SGCZ: variants seen among roughly 807,000 people sequenced by gnomAD.
SGCZ encodes sarcoglycan zeta.
In SGCZ, 40 loss-of-function variants were observed where a neutral mutation model predicts 41.3. That is an observed-to-expected ratio of 0.97 (90% CI 0.75 to 1.26). SGCZ has a LOEUF of 1.26. SGCZ is among the 50% of genes most tolerant of loss of function. The pLI, the probability that SGCZ is intolerant of heterozygous loss-of-function variation, is 0.00. For missense variants in SGCZ, 552 were observed against 369.8 expected (o/e 1.49, Z -4.04); for synonymous variants, 206 against 137.5 (o/e 1.50, Z -3.49).
rs926891695 is a variant in SGCZ at position 14,425,577 on chromosome 8, C to T, written c.235-101373G>A. On this transcript the variant is annotated intron_variant, in intron 2 of 7. Coordinates refer to ENST00000382080, the MANE Select transcript of SGCZ (RefSeq NM_139167.4). The stretch of plus-strand genomic sequence containing the variant: ...CAGACGTTGCAGTGAGCCAAGATCG[C>T]GCCACTGCTCTCCAGCCTGGTTGAC... 5.3e-5 allele frequency among the ~76,000 whole-genome samples: 8 copies of T among 151,666 alleles called. No homozygotes were observed. In the East Asian group the frequency reaches 5.8e-4, roughly 11 times the overall value.
At chr8:14,571,496 C>G (rs771756388) in intron 1 of SGCZ, among the ~76,000 whole-genome samples, 4 of 152,132 alleles carry the variant, frequency 2.6e-5, no homozygotes, top group Non-Finnish European at 5.9e-5. Context: ...TATTAATATT[C>G]TGTGTGGTGA....
At chr8:14,228,846 T>A (rs981156039) in intron 4 of SGCZ, among the ~76,000 whole-genome samples, 5 of 152,066 alleles carry the variant, frequency 3.3e-5, no homozygotes, top group Non-Finnish European at 7.4e-5. Flanking sequence ...AAAGGAAAAA[T>A]TTCAAAGATA....
chr8:15,159,633 A>C (rs955968530), intron 1 of SGCZ, among the ~76,000 whole-genome samples: 4 of 152,054 alleles, frequency 2.6e-5, no homozygotes, highest in Non-Finnish European at 5.9e-5. Context: ...TCATCATAGA[A>C]GTCTTCCCTG....
At chr8:15,194,815 A>C (rs1030596004) in intron 1 of SGCZ, among the ~76,000 whole-genome samples, 2 of 143,852 alleles carry the variant, frequency 1.4e-5, no homozygotes, top group Non-Finnish European at 2.9e-5. Context: ...GATTTTAGCC[A>C]AATGAAACTC....
At chr8:14,210,339 G>T (rs553413609) in intron 4 of SGCZ, among the ~76,000 whole-genome samples, 41 of 152,106 alleles carry the variant, frequency 2.7e-4, no homozygotes, top group Non-Finnish European at 4.3e-4. Context: ...GATTACAAGG[G>T]TGAGCCACCA....
At chr8:14,560,528 T>C (rs1024122477) in intron 1 of SGCZ, among the ~76,000 whole-genome samples, 1 of 152,136 alleles carries the variant, frequency 6.6e-6, no homozygotes, top group East Asian at 1.9e-4. Context: ...CTTCCCCTTG[T>C]AGAGTTGGTC....
intron 1 of SGCZ, among the ~76,000 whole-genome samples, chr8:14,650,551 T>C (rs1807364422): frequency 6.6e-6 from 1 of 151,924 alleles, no homozygotes. Context: ...GTTTCCCTCT[T>C]TGTGTCCACG....
At chr8:14,869,831 A>G (rs192150906) in intron 1 of SGCZ, among the ~76,000 whole-genome samples, 8 of 152,296 alleles carry the variant, frequency 5.3e-5, no homozygotes, top group African/African-American at 1.9e-4. Flanking sequence ...GTGAACTCCC[A>G]TTCACACTTG....
Position 14,309,374 on chromosome 8 carries a change from A to T in SGCZ, c.336+14729T>A. 3.7e-6 allele frequency: 6 copies of T among 1,605,058 alleles called. No homozygotes were observed. In the South Asian group the frequency reaches 6.6e-5, roughly 18 times the overall value. ...AGGACGATGGCTAATTACATTGAAC[A>T]GTCAGCAGAGACGAAGTGACCTCGA... On this transcript the variant is annotated intron_variant, in intron 3 of 7. Transcript: ENST00000382080.
At chr8:14,553,221 G>C (rs757531154) in intron 2 of SGCZ, among the ~76,000 whole-genome samples, 1 of 151,956 alleles carries the variant, frequency 6.6e-6, no homozygotes, top group African/African-American at 2.4e-5. Context: ...GTTGATATTT[G>C]TGTCAAAATA....
chr8:15,193,771 T>C (rs1352571808), intron 1 of SGCZ, among the ~76,000 whole-genome samples: 2 of 152,180 alleles, frequency 1.3e-5, no homozygotes, highest in Non-Finnish European at 2.9e-5. Context: ...AAATATAATT[T>C]TTCATGGGTG....
At chr8:14,905,523 G>T (rs1422033209) in intron 1 of SGCZ, among the ~76,000 whole-genome samples, 1 of 151,984 alleles carries the variant, frequency 6.6e-6, no homozygotes, top group African/African-American at 2.4e-5. Flanking sequence ...TCCAGTATTT[G>T]ATAAAACTGG....
At chr8:14,219,301 A>T (rs1343764165) in intron 4 of SGCZ, among the ~76,000 whole-genome samples, 1 of 152,122 alleles carries the variant, frequency 6.6e-6, no homozygotes, top group Non-Finnish European at 1.5e-5. Context: ...GGCTTTTTCA[A>T]TCCCGCTTAA....
intron 1 of SGCZ, among the ~76,000 whole-genome samples, chr8:15,144,331 T>G (rs1448646424): frequency 6.6e-6 from 1 of 152,234 alleles, no homozygotes; most frequent in African/African-American, 2.4e-5. Flanking sequence ...ACAGCTTCTG[T>G]GTTATTTTTG....
chr8:15,106,741 G>C (rs1047407061), intron 1 of SGCZ, among the ~76,000 whole-genome samples: 2 of 151,510 alleles, frequency 1.3e-5, no homozygotes, highest in African/African-American at 2.4e-5. Flanking sequence ...TTTCTTATCT[G>C]ATTATGAATT....
At chr8:15,215,773 T>G (rs1046848115) in intron 1 of SGCZ, among the ~76,000 whole-genome samples, 3 of 152,224 alleles carry the variant, frequency 2.0e-5, no homozygotes, top group Non-Finnish European at 1.5e-5. Flanking sequence ...AGAGTTACAA[T>G]TAAAGTCCTA....
At chr8:14,613,344 C>T (rs140419114) in intron 1 of SGCZ, among the ~76,000 whole-genome samples, 14 of 152,126 alleles carry the variant, frequency 9.2e-5, no homozygotes, top group Non-Finnish European at 1.8e-4. Context: ...AGTTTATGAA[C>T]GTACGATTGG....
At chr8:14,676,291 T>A (rs1324172182) in intron 1 of SGCZ, among the ~76,000 whole-genome samples, 1 of 151,468 alleles carries the variant, frequency 6.6e-6, no homozygotes, top group African/African-American at 2.4e-5. Context: ...AGGCCAGGAG[T>A]TTGAGACCAG....
chr8:15,015,518 T>C lies in SGCZ; in HGVS notation c.39+222067A>G, dbSNP rs367660105. Among the ~76,000 whole-genome samples, 23 of 151,838 alleles carry C rather than the reference T, an allele frequency of 1.5e-4. No individual in the cohort carries two copies. In the East Asian group the frequency reaches 3.7e-3, roughly 24 times the overall value. Reference sequence around the variant, plus strand: ...ATGCAGACCACGGTGAAACCCTGTCTCTACTGAAAATATAAAAAATTAGGC... The same window carrying C: ...ATGCAGACCACGGTGAAACCCTGTCCCTACTGAAAATATAAAAAATTAGGC... On this transcript the variant is annotated intron_variant, in intron 1 of 7. Coordinates refer to ENST00000382080, the MANE Select transcript of SGCZ (RefSeq NM_139167.4).
Sources: allele counts gnomAD v4.1 joint callset (sites outside exome capture counted in the v4.1 genomes callset), GRCh38; gene constraint gnomAD v4.1.1; transcripts MANE v1.5; gene names NCBI Gene and HGNC (gene_info 2026-07-23, HGNC 2026-07-21).